NRG1: variants seen among roughly 807,000 people sequenced by gnomAD.
The protein encoded by NRG1 is pro-neuregulin-1, membrane-bound isoform.
Under a neutral mutation model 63.8 loss-of-function variants are expected in NRG1, and 18 were observed. That is an observed-to-expected ratio of 0.28 (90% CI 0.19 to 0.42). The LOEUF is 0.42. NRG1 is among the 10% of genes least tolerant of loss of function. The probability of loss-of-function intolerance (pLI) is 1.00; values close to 1 mark genes in which losing one functional copy is unlikely to be tolerated. For synonymous variants in NRG1, 302 were observed against 301.3 expected, an observed-to-expected ratio of 1.00 and a Z score of -0.02; for missense variants, 762 against 814.7, an observed-to-expected ratio of 0.94 and a Z score of 0.79.
intron 1 of NRG1, among the ~76,000 whole-genome samples, chr8:31,747,684 A>G (rs1335487544): frequency 1.3e-5 from 2 of 151,884 alleles, no homozygotes; most frequent in East Asian, 1.9e-4. Context: ...TGGCCATGTT[A>G]GTTGGCTTTA....
At chr8:32,627,728 C>T (rs1849552277) in intron 5 of NRG1, among the ~76,000 whole-genome samples, 1 of 151,864 alleles carries the variant, frequency 6.6e-6, no homozygotes, top group Non-Finnish European at 1.5e-5. Context: ...AAAAGGATGC[C>T]TAGTTATAAT....
At chr8:32,187,815 C>G (rs540004611) in intron 1 of NRG1, among the ~76,000 whole-genome samples, 65 of 152,138 alleles carry the variant, frequency 4.3e-4, no homozygotes, top group Non-Finnish European at 8.1e-4. Flanking sequence ...AGCAGATTGG[C>G]TTTTAGCCAG....
At chr8:32,675,855 G>A (rs990031420) in intron 5 of NRG1, among the ~76,000 whole-genome samples, 1 of 152,068 alleles carries the variant, frequency 6.6e-6, no homozygotes, top group East Asian at 1.9e-4. Flanking sequence ...ATACTTTTTT[G>A]TATGTGAAAT....
intron 1 of NRG1, among the ~76,000 whole-genome samples, chr8:32,563,726 C>T (rs781482822): frequency 4.6e-5 from 7 of 152,118 alleles, no homozygotes; most frequent in Non-Finnish European, 8.8e-5. Flanking sequence ...TCTTCTCCAT[C>T]CTTAACTTTC....
chr8:32,765,917 G>C (rs1422223507), exon 12 of NRG1: 1 of 152,082 alleles, frequency 6.6e-6, no homozygotes, highest in Non-Finnish European at 1.5e-5. Flanking sequence ...TGCTAATTCA[G>C]GAAAATGGAA....
upstream of NRG1, among the ~76,000 whole-genome samples, chr8:32,543,549 CAGA>C: frequency 1.3e-5 from 2 of 151,912 alleles, no homozygotes; most frequent in South Asian, 4.2e-4. Context: ...TTATCAGGGC[CAGA>C]AGAAGAAATT....
rs183732138 is a variant in NRG1, at chr8:31,909,282, T to A, written c.37+269851T>A. On this transcript the variant is annotated intron_variant, in intron 1 of 10. Coordinates refer to the NRG1 transcript ENST00000519301. ...AAGGGTTTTCAACTATATCTTTTTT[T>A]AAAAATTTGAACTTTATAACATCCC... is the stretch of plus-strand genomic sequence containing the variant. 2.6e-3 allele frequency among the ~76,000 whole-genome samples: 392 copies of A among 152,314 alleles called. 3 individuals carry two copies. Among genetic ancestry groups the A allele is most frequent in the South Asian group, 0.015 (74 of 4,828 alleles).
At chr8:31,889,580 A>G (rs1201394953) in intron 1 of NRG1, among the ~76,000 whole-genome samples, 2 of 152,334 alleles carry the variant, frequency 1.3e-5, no homozygotes, top group African/African-American at 4.8e-5. Context: ...TGGCAGATAC[A>G]GAGAGTAGCC....
At chr8:32,386,821 C>A (rs1359537080) in intron 1 of NRG1, among the ~76,000 whole-genome samples, 1 of 152,156 alleles carries the variant, frequency 6.6e-6, no homozygotes, top group Non-Finnish European at 1.5e-5. Context: ...CATGCAGATA[C>A]CAAATTTTAC....
intron 1 of NRG1, among the ~76,000 whole-genome samples, chr8:32,401,976 T>C (rs1048493665): frequency 2.6e-5 from 4 of 152,130 alleles, no homozygotes; most frequent in Non-Finnish European, 5.9e-5. Context: ...AGTGGCGCGA[T>C]CTTGGTTCAC....
intron 1 of NRG1, among the ~76,000 whole-genome samples, chr8:32,270,303 C>T (rs1235796340): frequency 6.6e-6 from 1 of 152,180 alleles, no homozygotes; most frequent in Non-Finnish European, 1.5e-5. Flanking sequence ...CAGAAGCAGG[C>T]TTTGATCCCA....
At chr8:32,412,443 T>TATAC (rs1554532859) in intron 1 of NRG1, among the ~76,000 whole-genome samples, 19 of 54,538 alleles carry the variant, frequency 3.5e-4, no homozygotes, top group East Asian at 3.4e-3. Flanking sequence ...TATATATATA[T>TATAC]ATATATATAC....
chr8:31,925,922 C>A (rs773101485), intron 1 of NRG1, among the ~76,000 whole-genome samples: 88 of 152,154 alleles, frequency 5.8e-4, no homozygotes, highest in Non-Finnish European at 9.7e-4. Context: ...TTTAAACCAT[C>A]CACCAGGTCC....
At chr8:32,503,288 GAAA>G (rs60857610) in intron 1 of NRG1, among the ~76,000 whole-genome samples, 2,131 of 54,486 alleles carry the variant, frequency 0.039, 63 homozygotes, top group East Asian at 0.35. Flanking sequence ...CTCTGTCTCA[GAAA>G]AAAAAAAAAA....
chr8:32,125,034 A>T lies in NRG1; in HGVS notation c.38-470794A>T, dbSNP rs535716019. ...GCCTTCATGAGTGGATTAGGGCCTT[A>T]TGAAGGGGCTGGAGAAAACTAACTT... On this transcript the variant is annotated intron_variant, in intron 1 of 10. Coordinates refer to the NRG1 transcript ENST00000519301. Among the ~76,000 whole-genome samples, 4 of 151,968 alleles carry T rather than the reference A, an allele frequency of 2.6e-5. No individual in the cohort carries two copies. In the South Asian group the frequency reaches 8.3e-4, roughly 32 times the overall value.
chr8:32,046,171 A>G (rs546762321), intron 1 of NRG1, among the ~76,000 whole-genome samples: 1 of 152,214 alleles, frequency 6.6e-6, no homozygotes, highest in East Asian at 1.9e-4. Context: ...GATATGGGGA[A>G]GGTAATCAAA....
chr8:32,664,455 C>T (rs1375902004), intron 5 of NRG1, among the ~76,000 whole-genome samples: 6 of 152,082 alleles, frequency 3.9e-5, no homozygotes, highest in African/African-American at 9.7e-5. Context: ...GGGAAACAGA[C>T]ATGTTAAGTG....
intron 1 of NRG1, among the ~76,000 whole-genome samples, chr8:31,910,615 C>G (rs189259938): frequency 1.3e-5 from 2 of 152,266 alleles, no homozygotes; most frequent in South Asian, 2.1e-4. Context: ...AGATTTCAAG[C>G]ATCCATTGTA....
intron 1 of NRG1, among the ~76,000 whole-genome samples, chr8:31,888,990 C>T (rs1273120791): frequency 2.6e-5 from 4 of 152,028 alleles, no homozygotes; most frequent in Admixed American, 2.6e-4. Flanking sequence ...CATTTTGTAC[C>T]ACAGGGAAAG....
Sources: gnomAD v4.1 joint callset for allele counts (sites outside exome capture counted in the v4.1 genomes callset) on GRCh38, gnomAD v4.1.1 for gene constraint, MANE v1.5 for transcripts, NCBI Gene and HGNC (gene_info 2026-07-23, HGNC 2026-07-21) for gene names.